The following ASIC2 variants were observed in gnomAD, a reference collection of about 807,000 sequenced individuals.
ASIC2 encodes the protein acid sensing ion channel subunit 2, also known as acid-sensing ion channel 2.
Under a neutral mutation model 57.3 loss-of-function variants are expected in ASIC2, and 25 were observed. The observed-to-expected ratio is 0.44, with a 90% CI of 0.32 to 0.61. The LOEUF (loss-of-function observed/expected upper bound fraction) is 0.61, where lower values mean the gene tolerates loss of function less well. Among genes scored for constraint, ASIC2 ranks in the 20% least tolerant of loss-of-function variants. ASIC2 has a pLI of 0.06. For missense variants in ASIC2, 641 were observed against 738.1 expected (o/e 0.87, Z 1.52); for synonymous variants, 319 against 307.5 (o/e 1.04, Z -0.39).
chr17:33,548,805 C>A (rs1010191865), intron 1 of ASIC2, among the ~76,000 whole-genome samples: 4 of 152,140 alleles, frequency 2.6e-5, no homozygotes, highest in African/African-American at 9.7e-5. Context: ...ACCACAGGAC[C>A]TTTACACTTG....
chr17:33,292,197 C>A lies in ASIC2; in HGVS notation c.-82G>T. 9.9e-7 allele frequency: 1 copy of A among 1,008,224 alleles called. No homozygotes were observed. The highest frequency in any genetic ancestry group is 1.0e-4 in the East Asian group (1 of 9,818). The allele number at this position is 1,008,224 out of a possible 1,614,324, so 62.5% of individuals were successfully genotyped here. On this transcript the variant is annotated 5_prime_UTR_variant, in exon 1 of 10. Transcript: ENST00000225823. ...TGGGAGTCCGCAGCAGCAGTGGAAG[C>A]AGCAGCAGCGGCAGCCGCGCGCAGC...
At chr17:33,579,861 C>T (rs1171512014) in intron 1 of ASIC2, among the ~76,000 whole-genome samples, 1 of 152,146 alleles carries the variant, frequency 6.6e-6, no homozygotes, top group Non-Finnish European at 1.5e-5. Flanking sequence ...TTATTTGGCC[C>T]CACCCACATC....
chr17:34,097,846 T>C (rs1010278285), intron 1 of ASIC2, among the ~76,000 whole-genome samples: 1 of 152,046 alleles, frequency 6.6e-6, no homozygotes, highest in African/African-American at 2.4e-5. Flanking sequence ...TCAGTTCCAT[T>C]TTACAGGTCA....
At chr17:33,891,094 C>T (rs1468380683) in intron 1 of ASIC2, among the ~76,000 whole-genome samples, 1 of 152,188 alleles carries the variant, frequency 6.6e-6, no homozygotes. Flanking sequence ...GGCTGGTTCT[C>T]TCTTCAGATT....
intron 3 of ASIC2, among the ~76,000 whole-genome samples, chr17:33,069,506 T>G (rs2092058540): frequency 2.0e-5 from 3 of 152,198 alleles, no homozygotes. Flanking sequence ...CTTTCTGTAT[T>G]TTGAAACTCT....
intron 1 of ASIC2, among the ~76,000 whole-genome samples, chr17:34,112,874 T>G (rs1443306606): frequency 6.6e-6 from 1 of 152,174 alleles, no homozygotes; most frequent in Non-Finnish European, 1.5e-5. Context: ...TAATGTTACT[T>G]CATGGTCTTA....
chr17:33,807,088 C>A (rs1315776085), intron 1 of ASIC2, among the ~76,000 whole-genome samples: 1 of 152,194 alleles, frequency 6.6e-6, no homozygotes, highest in Non-Finnish European at 1.5e-5. Context: ...CAGACAGCAT[C>A]TTCCCCTACA....
chr17:33,503,475 G>T (rs1465140218), intron 1 of ASIC2, among the ~76,000 whole-genome samples: 1 of 152,094 alleles, frequency 6.6e-6, no homozygotes, highest in Non-Finnish European at 1.5e-5. Flanking sequence ...GGGTTCCCCA[G>T]GAAAATTAAC....
chr17:33,099,312 C>G (rs1025430202), intron 2 of ASIC2, among the ~76,000 whole-genome samples: 1 of 152,108 alleles, frequency 6.6e-6, no homozygotes, highest in African/African-American at 2.4e-5. Context: ...CCACCGCACC[C>G]AGCCGCTTAC....
intron 1 of ASIC2, among the ~76,000 whole-genome samples, chr17:33,368,388 C>G (rs1908905852): frequency 6.6e-6 from 1 of 152,190 alleles, no homozygotes; most frequent in Non-Finnish European, 1.5e-5. Context: ...GGTGAAACTT[C>G]AGATAATTCT....
At chr17:33,149,684 T>C (rs941985780) in intron 1 of ASIC2, among the ~76,000 whole-genome samples, 2 of 152,156 alleles carry the variant, frequency 1.3e-5, no homozygotes, top group African/African-American at 2.4e-5. Context: ...AGCATTTGAC[T>C]TAAAAATTGA....
intron 1 of ASIC2, among the ~76,000 whole-genome samples, chr17:33,788,882 C>T (rs1911683413): frequency 1.3e-5 from 2 of 152,106 alleles, no homozygotes; most frequent in Admixed American, 6.5e-5. Flanking sequence ...AGGGGAACAA[C>T]ACACACCAGG....
intron 1 of ASIC2, among the ~76,000 whole-genome samples, chr17:34,148,921 C>T (rs1464407586): frequency 3.3e-5 from 5 of 152,096 alleles, no homozygotes; most frequent in African/African-American, 9.7e-5. Flanking sequence ...TGGATGTGTA[C>T]TGTGGAGCAG....
At chr17:33,122,771 CCTGT>C (rs1396085892) in intron 1 of ASIC2, among the ~76,000 whole-genome samples, 2 of 152,180 alleles carry the variant, frequency 1.3e-5, no homozygotes, top group African/African-American at 4.8e-5. Context: ...ACTCGTTCCT[CCTGT>C]CTAACTGAAA....
intron 1 of ASIC2, among the ~76,000 whole-genome samples, chr17:34,019,951 C>T (rs1476069073): frequency 1.3e-5 from 2 of 152,128 alleles, no homozygotes; most frequent in African/African-American, 2.4e-5. Flanking sequence ...GGTATGATCT[C>T]CAGGTTCCAA....
chr17:34,044,146 ACAC>A (rs879651699), intron 1 of ASIC2, among the ~76,000 whole-genome samples: 44 of 151,946 alleles, frequency 2.9e-4, no homozygotes, highest in Admixed American at 7.9e-4. Flanking sequence ...ACACACACAC[ACAC>A]CAAGAAGAAG....
chr17:34,103,864 A>G (rs535948311), intron 1 of ASIC2, among the ~76,000 whole-genome samples: 22 of 152,206 alleles, frequency 1.4e-4, no homozygotes, highest in South Asian at 2.1e-4. Flanking sequence ...GTAGCTTTAT[A>G]TTCATATGTC....
chr17:34,140,937 T>C (rs1163018657), intron 1 of ASIC2, among the ~76,000 whole-genome samples: 2 of 152,176 alleles, frequency 1.3e-5, no homozygotes, highest in African/African-American at 4.8e-5. Context: ...GAATTTTACA[T>C]AGTCTCAAAG....
At chr17:33,054,483 A>AC (rs1472019473) in intron 3 of ASIC2, among the ~76,000 whole-genome samples, 1 of 152,198 alleles carries the variant, frequency 6.6e-6, no homozygotes, top group Non-Finnish European at 1.5e-5. Context: ...CTATGATTTT[A>AC]CCACTAACAT....
Sources: gnomAD v4.1 joint callset for allele counts (sites outside exome capture counted in the v4.1 genomes callset) on GRCh38, gnomAD v4.1.1 for gene constraint, MANE v1.5 for transcripts, NCBI Gene and HGNC (gene_info 2026-07-23, HGNC 2026-07-21) for gene names.